TP53BP1: variants seen among roughly 807,000 people sequenced by gnomAD.
TP53BP1 encodes TP53-binding protein 1.
In TP53BP1, 61 loss-of-function variants were observed where a neutral mutation model predicts 200.8. That is an observed-to-expected ratio of 0.30 (90% CI 0.25 to 0.38). The LOEUF (loss-of-function observed/expected upper bound fraction) is 0.38. Among genes scored for constraint, TP53BP1 ranks in the 10% least tolerant of loss-of-function variants. The pLI, the probability that TP53BP1 is intolerant of heterozygous loss-of-function variation, is 1.00. For missense variants in TP53BP1, 2,144 were observed against 2,371.9 expected (o/e 0.90, Z 2.00); for synonymous variants, 822 against 844.3 (o/e 0.97, Z 0.46).
At chr15:43,481,509 AT>A (rs538532826) in intron 4 of TP53BP1, among the ~76,000 whole-genome samples, 24 of 146,510 alleles carry the variant, frequency 1.6e-4, no homozygotes, top group Admixed American at 3.4e-4. Flanking sequence ...TTTTTTACTT[AT>A]TTTTTTTTTA....
chr15:43,468,347 A>C (rs1033309575), intron 11 of TP53BP1, among the ~76,000 whole-genome samples: 4 of 152,074 alleles, frequency 2.6e-5, no homozygotes, highest in Non-Finnish European at 5.9e-5. Flanking sequence ...GAGTTTAAGA[A>C]CAGCCCTGGC....
intron 11 of TP53BP1, among the ~76,000 whole-genome samples, chr15:43,459,464 A>T (rs1201757972): frequency 1.3e-5 from 2 of 152,198 alleles, no homozygotes; most frequent in African/African-American, 4.8e-5. Flanking sequence ...ATAACCAAAA[A>T]CTAGAACCAA....
rs1278605185 is a variant in TP53BP1, at chr15:43,403,807, T to C, written c.*3576A>G. 1.2e-5 allele frequency: 19 copies of C among 1,603,826 alleles called. No individual in the cohort carries two copies. Among genetic ancestry groups the C allele is most frequent in the African/African-American group, 2.7e-5 (2 of 74,740 alleles). On this transcript the variant is annotated 3_prime_UTR_variant, in exon 28 of 28. Transcript: ENST00000382044. Reference sequence around the variant, plus strand: ...CTGAGCATTCTCGTGAAGGTGCGTCTGCCTGGAAGTATGCAGCCTTGCCGA... The same window carrying C: ...CTGAGCATTCTCGTGAAGGTGCGTCCGCCTGGAAGTATGCAGCCTTGCCGA...
At position 43,456,754 on chromosome 15, in the gene TP53BP1, T is replaced by A. The variant is rs760842916; in HGVS notation, c.1854A>T (p.Glu618Asp). 3.7e-6 allele frequency: 6 copies of A among 1,614,128 alleles called. No homozygotes were observed. The highest frequency in any genetic ancestry group is 5.1e-6 in the Non-Finnish European group (6 of 1,180,042). The change falls in exon 12 of 28, where the codon GAA (glutamate) becomes GAT (aspartate). Residue 618 changes from glutamate to aspartate, a missense_variant. Transcript: ENST00000382044. ...CACAAGTGAGATCAATACAAACATC[T>A]TCTGCTACCGTTTCTTCTCTGCCCT... Reference protein sequence around the residue: ...GCKGREETVAEDVCIDLTCDS... With the variant: ...GCKGREETVADDVCIDLTCDS...
In TP53BP1 at chr15:43,406,285, C is replaced by A. The variant is rs2044876279; in HGVS notation, c.*1098G>T. 9.7e-6 allele frequency: 2 copies of A among 207,136 alleles called. No individual in the cohort carries two copies. Among genetic ancestry groups the A allele is most frequent in the South Asian group, 1.7e-4 (2 of 12,054 alleles). The allele number at this position is 207,136 out of a possible 1,614,324, so 12.8% of individuals were successfully genotyped here. On this transcript the variant is annotated 3_prime_UTR_variant, in exon 28 of 28. Coordinates refer to ENST00000382044, the MANE Select transcript of TP53BP1 (RefSeq NM_001141980.3). ...ACGCCCTCCAAACTGAAAAAGAATGCAGTGTTCTGGCATCAGGTTATAGTC... is the reference window on the plus strand; with the variant it reads ...ACGCCCTCCAAACTGAAAAAGAATGAAGTGTTCTGGCATCAGGTTATAGTC...
chr15:43,493,290 G>C (rs961254242), upstream of TP53BP1: 54 of 1,297,528 alleles, frequency 4.2e-5, no homozygotes, highest in Admixed American at 1.2e-4. Context: ...ACACGGCGGC[G>C]CGTTTCCATG....
intron 4 of TP53BP1, among the ~76,000 whole-genome samples, chr15:43,481,674 G>GT (rs1470792336): frequency 3.3e-5 from 5 of 151,090 alleles, no homozygotes; most frequent in Non-Finnish European, 7.4e-5. Context: ...AATTAGCTGG[G>GT]TGTGGTGGCA....
At chr15:43,490,784 T>C (rs980258266) in intron 4 of TP53BP1, among the ~76,000 whole-genome samples, 3 of 152,326 alleles carry the variant, frequency 2.0e-5, no homozygotes, top group Middle Eastern at 3.4e-3. Context: ...AGTTATCTAA[T>C]TTCTTTGTCC....
intron 18 of TP53BP1, among the ~76,000 whole-genome samples, chr15:43,425,593 C>T (rs1255531392): frequency 6.6e-6 from 1 of 152,124 alleles, no homozygotes; most frequent in Non-Finnish European, 1.5e-5. Flanking sequence ...GCACTCCAGC[C>T]TGGGCAAAAG....
intron 11 of TP53BP1, among the ~76,000 whole-genome samples, chr15:43,462,216 C>CAAAAAAAAAAAAA (rs779088744): frequency 1.5e-4 from 5 of 34,098 alleles, no homozygotes; most frequent in Admixed American, 5.3e-4. Context: ...GACTTCATCT[C>CAAAAAAAAAAAAA]AAAAAAAAAA....
chr15:43,480,578 C>T (rs2078949820), intron 5 of TP53BP1, among the ~76,000 whole-genome samples: 1 of 152,186 alleles, frequency 6.6e-6, no homozygotes, highest in Admixed American at 6.5e-5. Context: ...AAAGGTACAT[C>T]ATAAACTACA....
intron 24 of TP53BP1, among the ~76,000 whole-genome samples, chr15:43,411,769 T>G (rs1317069410): frequency 6.6e-6 from 1 of 152,240 alleles, no homozygotes; most frequent in Admixed American, 6.5e-5. Flanking sequence ...ACAGTTTTAT[T>G]ACATCTCACG....
At chr15:43,506,183 C>CT (rs1304235579) in intron 1 of TP53BP1, among the ~76,000 whole-genome samples, 1 of 152,160 alleles carries the variant, frequency 6.6e-6, no homozygotes, top group Non-Finnish European at 1.5e-5. Context: ...TTCTTCTCTC[C>CT]TATGAACACC....
intron 20 of TP53BP1, 96 bp from the exon 21 acceptor site, chr15:43,420,831 C>T: frequency 7.6e-7 from 1 of 1,323,560 alleles, no homozygotes; most frequent in Admixed American, 2.5e-5. Flanking sequence ...TGGGTCTCCT[C>T]AGCCCATTCT....
At chr15:43,483,682 T>C (rs2079006572) in intron 4 of TP53BP1, among the ~76,000 whole-genome samples, 1 of 152,118 alleles carries the variant, frequency 6.6e-6, no homozygotes, top group Admixed American at 6.5e-5. Flanking sequence ...AAAAGCAAAA[T>C]AGAACATTAT....
chr15:43,433,274 A>G (rs1248014932), intron 16 of TP53BP1, among the ~76,000 whole-genome samples: 3 of 152,212 alleles, frequency 2.0e-5, no homozygotes, highest in Non-Finnish European at 4.4e-5. Context: ...GGTTTCTCAA[A>G]GACAGTTCTT....
At chr15:43,491,220 A>G (rs2079117644) in intron 4 of TP53BP1, among the ~76,000 whole-genome samples, 1 of 152,046 alleles carries the variant, frequency 6.6e-6, no homozygotes, top group Non-Finnish European at 1.5e-5. Context: ...AGCTGGGATT[A>G]CAGGCACGCA....
chr15:43,454,452 C>A (rs2046246817), intron 12 of TP53BP1, among the ~76,000 whole-genome samples: 1 of 151,758 alleles, frequency 6.6e-6, no homozygotes, highest in Admixed American at 6.6e-5. Flanking sequence ...CAACCTCCAT[C>A]TCCCGGGTTC....
chr15:43,414,732 G>A (rs1222251860), intron 23 of TP53BP1, among the ~76,000 whole-genome samples: 2 of 151,414 alleles, frequency 1.3e-5, no homozygotes, highest in Non-Finnish European at 2.9e-5. Context: ...TTTTGATGGA[G>A]TCTCACTCTG....
Sources: gnomAD v4.1 joint callset for allele counts (sites outside exome capture counted in the v4.1 genomes callset) on GRCh38, gnomAD v4.1.1 for gene constraint, MANE v1.5 for transcripts, NCBI Gene and HGNC (gene_info 2026-07-23, HGNC 2026-07-21) for gene names.